TDRD7: variants seen among roughly 807,000 people sequenced by gnomAD.
TDRD7 encodes the protein tudor domain containing 7.
TDRD7 carries 47 observed loss-of-function variants against 109.8 expected under a neutral mutation model. The ratio of observed to expected loss-of-function variants is 0.43; its 90% CI spans 0.34 to 0.55. The LOEUF (loss-of-function observed/expected upper bound fraction) is 0.55. Ranked by LOEUF, TDRD7 falls within the 20% of genes least tolerant of loss-of-function variation. The pLI is 0.03. For synonymous variants in TDRD7, 424 were observed against 457.3 expected (o/e 0.93, Z 0.93); for missense variants, 1,164 against 1,319.2 (o/e 0.88, Z 1.82).
chr9:97,435,467 T>TAA (rs11314747), intron 4 of TDRD7, among the ~76,000 whole-genome samples: 15 of 131,134 alleles, frequency 1.1e-4, no homozygotes, highest in African/African-American at 3.4e-4. Context: ...TCATCTCTAC[T>TAA]AAAAAAAAAA....
At chr9:97,470,837 A>C (rs916876613) in intron 9 of TDRD7, among the ~76,000 whole-genome samples, 168 bp downstream of exon 9, 4 of 152,210 alleles carry the variant, frequency 2.6e-5, no homozygotes, top group Non-Finnish European at 5.9e-5. Flanking sequence ...CCATTATAAA[A>C]ATGTTATGTT....
intron 6 of TDRD7, among the ~76,000 whole-genome samples, chr9:97,455,123 C>T (rs1335666853): frequency 6.6e-6 from 1 of 151,984 alleles, no homozygotes; most frequent in African/African-American, 2.4e-5. Context: ...AAGACTAAAC[C>T]AGGAAGAAAT....
At chr9:97,444,330 G>T (rs2118384585) in intron 6 of TDRD7, among the ~76,000 whole-genome samples, 1 of 152,292 alleles carries the variant, frequency 6.6e-6, no homozygotes, top group Non-Finnish European at 1.5e-5. Flanking sequence ...CAAGTGGGAT[G>T]CCAGAAAACA....
chr9:97,484,353 G>A (rs1425598000), intron 15 of TDRD7, among the ~76,000 whole-genome samples: 1 of 151,994 alleles, frequency 6.6e-6, no homozygotes, highest in East Asian at 1.9e-4. Context: ...TTCCACTCAG[G>A]CCATGAAGCC....
intron 1 of TDRD7, among the ~76,000 whole-genome samples, chr9:97,413,506 G>A (rs1310688476): frequency 1.3e-5 from 2 of 152,106 alleles, no homozygotes; most frequent in African/African-American, 2.4e-5. Flanking sequence ...CCCAACAAAC[G>A]GTCCATGTTT....
chr9:97,472,623 G>T, intron 10 of TDRD7, 128 bp downstream of exon 10: 1 of 837,470 alleles, frequency 1.2e-6, no homozygotes. Context: ...GAAAAAAGGA[G>T]GGAGTGGGGC....
intron 1 of TDRD7, among the ~76,000 whole-genome samples, chr9:97,422,885 A>G (rs1319303772): frequency 2.0e-5 from 3 of 152,070 alleles, no homozygotes; most frequent in Non-Finnish European, 4.4e-5. Context: ...ATAAACTTTA[A>G]CTGGTTATTA....
In TDRD7 at chr9:97,495,976, C is replaced by A; in HGVS notation, c.*93C>A. ...AAAAAATCTTAACTCTGCTACATGG[C>A]TCTGACTGCTGTGGGGGATTGAAAA... is the stretch of plus-strand genomic sequence containing the variant. On this transcript the variant is annotated 3_prime_UTR_variant, in exon 17 of 17. Transcript: ENST00000355295. 1.0e-6 allele frequency: 1 copy of A among 955,068 alleles called. No homozygotes were observed. Among genetic ancestry groups the A allele is most frequent in the Non-Finnish European group, 1.7e-6 (1 of 592,858 alleles). 59.2% of individuals were successfully genotyped at this position (955,068 alleles called of 1,614,324 possible).
chr9:97,460,067 C>T (rs991888429), intron 6 of TDRD7, 111 bp from the exon 7 acceptor site: 1 of 929,876 alleles, frequency 1.1e-6, no homozygotes, highest in African/African-American at 1.6e-5. Context: ...AAATCGTACA[C>T]TTGATTAATT....
chr9:97,419,700 A>G (rs1015606315), intron 1 of TDRD7, among the ~76,000 whole-genome samples: 9 of 152,176 alleles, frequency 5.9e-5, no homozygotes, highest in African/African-American at 2.2e-4. Flanking sequence ...CCTGTGACTA[A>G]GTGGAGTCAG....
chr9:97,469,275 C>T (rs967166343), intron 8 of TDRD7, among the ~76,000 whole-genome samples: 6 of 152,178 alleles, frequency 3.9e-5, no homozygotes. Context: ...GAGAAATAGA[C>T]TTGTGCACTT....
chr9:97,442,149 A>G (rs1489836117), intron 6 of TDRD7, among the ~76,000 whole-genome samples: 1 of 152,150 alleles, frequency 6.6e-6, no homozygotes, highest in African/African-American at 2.4e-5. Context: ...TATGTAAACC[A>G]TTTTATAATG....
In TDRD7 at chr9:97,460,735, A is replaced by G. The variant is rs2131149653; in HGVS notation, c.1413A>G (p.Glu471=). ...TEASPSVLVV[E]LSNTNEVVIR... is the part of the protein sequence containing the mutation. ...CATCACCATCTGTATTGGTGGTTGA[A>G]CTGAGCAACACAAATGAAGTGGTTA... Residue 471 remains glutamate (E), a synonymous_variant, in exon 7 of 17, where the codon GAA becomes GAG. Transcript: ENST00000355295. The G allele has an allele frequency of 1.9e-6, 3 of 1,614,140 alleles. No homozygotes were observed. Among genetic ancestry groups the G allele is most frequent in the African/African-American group, 1.3e-5 (1 of 75,038 alleles).
intron 1 of TDRD7, among the ~76,000 whole-genome samples, chr9:97,415,079 A>G (rs1055657874): frequency 5.3e-5 from 8 of 152,364 alleles, no homozygotes; most frequent in Admixed American, 1.3e-4. Flanking sequence ...AGATACTTCA[A>G]AATTGAACAT....
At position 97,483,072 on chromosome 9, in the gene TDRD7, A is replaced by G. The variant is rs1376829526; in HGVS notation, c.2636A>G (p.Lys879Arg). 6.2e-7 allele frequency: 1 copy of G among 1,614,192 alleles called. No individual in the cohort carries two copies. The highest frequency in any genetic ancestry group is 2.2e-5 in the East Asian group (1 of 44,886). ...MSGNTGENFRKNLTDVIKKSM... is the reference protein window; with the variant it reads ...MSGNTGENFRRNLTDVIKKSM... ...GGCAACACTGGAGAGAATTTCAGAA[A>G]GAACCTCACAGATGTCATCAAAAAG... The change falls in exon 15 of 17, where the codon AAG becomes AGG. Residue 879 changes from lysine to arginine, a missense_variant. This residue lies in a region of TDRD7 where 233 missense variants were observed against 218.0 expected (regional missense o/e 1.07). Transcript: ENST00000355295.
Position 97,432,064 on chromosome 9 carries a change from C to T in TDRD7, c.389C>T (p.Ser130Leu), listed in dbSNP as rs1828112717. Residue 130 changes from serine (S) to leucine (L), a missense_variant, in exon 4 of 17, where the codon TCA (serine) becomes TTA (leucine). Ser to Leu is a moderately radical substitution (Grantham distance 145). Transcript: ENST00000355295. ...ACCCTCAGACAACCAGGATTTGCTTCAAATTTTTCTGTTGGCAAAAAACCT... is the reference window on the plus strand; with the variant it reads ...ACCCTCAGACAACCAGGATTTGCTTTAAATTTTTCTGTTGGCAAAAAACCT... Reference protein sequence around the residue: ...KATLRQPGFASNFSVGKKPNP... With the variant: ...KATLRQPGFALNFSVGKKPNP... 1.2e-6 allele frequency: 2 copies of T among 1,613,816 alleles called. No homozygotes were observed. The highest frequency in any genetic ancestry group is 1.7e-6 in the Non-Finnish European group (2 of 1,179,792).
chr9:97,480,653 T>C, intron 13 of TDRD7, 175 bp from the exon 14 acceptor site: 1 of 656,888 alleles, frequency 1.5e-6, no homozygotes, highest in South Asian at 1.6e-5. Context: ...GTTATATAAA[T>C]AGAGTTAGGA....
intron 1 of TDRD7, among the ~76,000 whole-genome samples, chr9:97,413,879 A>G (rs981023641): frequency 1.3e-5 from 2 of 152,250 alleles, no homozygotes; most frequent in Non-Finnish European, 2.9e-5. Flanking sequence ...CAGGTTGAAC[A>G]TGGCTGAATG....
At position 97,460,324 on chromosome 9, in the gene TDRD7, A is replaced by G; in HGVS notation, c.1002A>G (p.Pro334=). The G allele has an allele frequency of 6.2e-7, 1 of 1,614,234 alleles. No individual in the cohort carries two copies. The highest frequency in any genetic ancestry group is 8.5e-7 in the Non-Finnish European group (1 of 1,180,040). ...PKQTPPLKGC[P]TVMAGDFKEK... ...AAACACCACCGTTGAAAGGGTGTCCAACAGTTATGGCAGGAGACTTTAAAG... is the reference window on the plus strand; with the variant it reads ...AAACACCACCGTTGAAAGGGTGTCCGACAGTTATGGCAGGAGACTTTAAAG... Residue 334 remains proline, a synonymous_variant, in exon 7 of 17, where the codon CCA becomes CCG. Coordinates refer to ENST00000355295, the MANE Select transcript of TDRD7 (RefSeq NM_014290.3).
Sources: allele counts gnomAD v4.1 joint callset (sites outside exome capture counted in the v4.1 genomes callset), GRCh38; gene constraint gnomAD v4.1.1; regional missense constraint gnomAD v4.1.1; transcripts MANE v1.5; gene names NCBI Gene and HGNC (gene_info 2026-07-23, HGNC 2026-07-21).